Variants in STEAP1B observed in about 807,000 individuals in gnomAD.
STEAP1B encodes STEAP family member 1B, also known as STEAP family protein MGC87042.
Under a neutral mutation model 27.9 loss-of-function variants are expected in STEAP1B, and 13 were observed. The observed-to-expected ratio is 0.47, with a 90% CI of 0.30 to 0.74. The LOEUF (loss-of-function observed/expected upper bound fraction) is 0.74. Among genes scored for constraint, STEAP1B ranks in the 30% least tolerant of loss-of-function variants. The pLI is 0.06. For missense variants in STEAP1B, 250 were observed against 298.7 expected (o/e 0.84, Z 1.20); for synonymous variants, 86 against 107.1 (o/e 0.80, Z 1.22).
At chr7:22,425,931 T>A (rs553969694) in intron 4 of STEAP1B, among the ~76,000 whole-genome samples, 1 of 152,376 alleles carries the variant, frequency 6.6e-6, no homozygotes, top group South Asian at 2.1e-4. Flanking sequence ...CCTTAGTGGC[T>A]ACAAAAGTTT....
At chr7:22,431,153 CA>C (rs1394340684) in intron 4 of STEAP1B, among the ~76,000 whole-genome samples, 1 of 152,158 alleles carries the variant, frequency 6.6e-6, no homozygotes, top group Non-Finnish European at 1.5e-5. Flanking sequence ...AGTATTGGCG[CA>C]GTAACGAAAA....
At chr7:22,488,493 G>A (rs1786258909) in intron 4 of STEAP1B, among the ~76,000 whole-genome samples, 1 of 152,170 alleles carries the variant, frequency 6.6e-6, no homozygotes, top group Admixed American at 6.5e-5. Context: ...TGAATAAGTG[G>A]ACCCCACCCT....
intron 4 of STEAP1B, among the ~76,000 whole-genome samples, chr7:22,444,893 C>T (rs1785386263): frequency 6.6e-6 from 1 of 152,128 alleles, no homozygotes; most frequent in Admixed American, 6.5e-5. Context: ...AGTTTGGAGA[C>T]CCACTAAGCC....
At chr7:22,420,151 T>C (rs942716390) in intron 4 of STEAP1B, among the ~76,000 whole-genome samples, 54 of 152,226 alleles carry the variant, frequency 3.5e-4, no homozygotes, top group Admixed American at 3.9e-4. Flanking sequence ...TTCTGTTGAC[T>C]GGCAAGCTCA....
At chr7:22,454,041 T>A (rs3114719) in intron 4 of STEAP1B, among the ~76,000 whole-genome samples, 15 of 152,028 alleles carry the variant, frequency 9.9e-5, no homozygotes, top group Admixed American at 2.0e-4. Flanking sequence ...TACATTTTTC[T>A]TGGGTATTGT....
At chr7:22,422,355 CCGCAAAGGAG>C (rs1785054073) in intron 4 of STEAP1B, among the ~76,000 whole-genome samples, 1 of 152,190 alleles carries the variant, frequency 6.6e-6, no homozygotes, top group Non-Finnish European at 1.5e-5. Flanking sequence ...AATATTGTAA[CCGCAAAGGAG>C]AGCCAAAATA....
At position 22,479,286 on chromosome 7, in the gene STEAP1B, G is replaced by A. The variant is rs78933198; in HGVS notation, c.762+13279C>T. ...AGGAGATAGGGGTAGGGGGCAAAAC[G>A]TGATGCCGGCGCTGCAAGGAGGCAG... On this transcript the variant is annotated intron_variant, in intron 4 of 4. Coordinates refer to ENST00000678116, the MANE Select transcript of STEAP1B (RefSeq NM_001382447.1). Among the ~76,000 whole-genome samples the A allele has an allele frequency of 3.5e-3, 533 of 152,274 alleles. 1 individual carries two copies. The highest frequency in any genetic ancestry group is 0.012 in the African/African-American group (515 of 41,542).
At chr7:22,466,390 G>A (rs1451399778) in intron 4 of STEAP1B, among the ~76,000 whole-genome samples, 4 of 110,820 alleles carry the variant, frequency 3.6e-5, no homozygotes, top group Non-Finnish European at 7.0e-5. Context: ...CCACCCTCAA[G>A]TAGGCCACAG....
intron 4 of STEAP1B, among the ~76,000 whole-genome samples, chr7:22,453,923 G>A (rs1765845869): frequency 6.6e-6 from 1 of 152,174 alleles, no homozygotes; most frequent in South Asian, 2.1e-4. Flanking sequence ...TGAATATACA[G>A]CAATGTATCC....
At chr7:22,430,353 A>C (rs1289494594) in intron 4 of STEAP1B, among the ~76,000 whole-genome samples, 1 of 152,220 alleles carries the variant, frequency 6.6e-6, no homozygotes, top group East Asian at 1.9e-4. Flanking sequence ...GTGCTCAATG[A>C]ATGGAACTAA....
intron 4 of STEAP1B, among the ~76,000 whole-genome samples, chr7:22,425,816 AG>A (rs1785098455): frequency 6.6e-6 from 1 of 152,246 alleles, no homozygotes; most frequent in Non-Finnish European, 1.5e-5. Context: ...TTTGACTTCT[AG>A]AAAAATAGCA....
intron 4 of STEAP1B, among the ~76,000 whole-genome samples, chr7:22,463,380 C>T (rs1785713616): frequency 6.6e-6 from 1 of 152,012 alleles, no homozygotes; most frequent in South Asian, 2.1e-4. Flanking sequence ...GCCATACTGC[C>T]CAAGGTAATT....
chr7:22,466,677 T>C (rs1785790109), intron 4 of STEAP1B, among the ~76,000 whole-genome samples: 1 of 152,176 alleles, frequency 6.6e-6, no homozygotes, highest in South Asian at 2.1e-4. Context: ...AACTCACTTG[T>C]CCAAACAATT....
rs137915519 is a variant in STEAP1B, at chr7:22,486,038, G to A, written c.762+6527C>T. 1.1e-3 allele frequency among the ~76,000 whole-genome samples: 160 copies of A among 152,246 alleles called. 1 individual carries two copies. In the East Asian group the frequency reaches 0.024, roughly 23 times the overall value. On this transcript the variant is annotated intron_variant, in intron 4 of 4. Coordinates refer to ENST00000678116, the MANE Select transcript of STEAP1B (RefSeq NM_001382447.1). ...GCCACACTCAGTGGTTCTCAAACTC[G>A]GTTGCACATTAAGATTACCTGGAGA... is the stretch of plus-strand genomic sequence containing the variant.
chr7:22,419,823 A>T lies in STEAP1B; in HGVS notation c.776T>A (p.Ile259Asn). 6.5e-7 allele frequency: 1 copy of T among 1,550,380 alleles called. No individual in the cohort carries two copies. Among genetic ancestry groups the T allele is most frequent in the Non-Finnish European group, 8.7e-7 (1 of 1,146,158 alleles). Reference protein sequence around the residue: ...EFHYIQVHGRINFLTL With the variant: ...EFHYIQVHGRNNFLTL Reference sequence around the variant, plus strand: ...GATCTGTCACAAGGTCAGGAAGTTGATCCTACCATGTACCTGGAAGGCAGA... The same window carrying T: ...GATCTGTCACAAGGTCAGGAAGTTGTTCCTACCATGTACCTGGAAGGCAGA... Residue 259 changes from isoleucine (I) to asparagine (N), a missense_variant, in exon 5 of 5, where the codon ATC (isoleucine) becomes AAC (asparagine). Physicochemically the swap from Ile to Asn is moderately radical, Grantham distance 149. Transcript: ENST00000678116.
At chr7:22,475,640 G>C (rs1397080208) in intron 4 of STEAP1B, among the ~76,000 whole-genome samples, 3 of 152,292 alleles carry the variant, frequency 2.0e-5, no homozygotes, top group East Asian at 3.9e-4. Flanking sequence ...ACACACCTGA[G>C]AGCAATAACG....
At chr7:22,456,665 G>A (rs1785582981) in intron 4 of STEAP1B, among the ~76,000 whole-genome samples, 1 of 152,006 alleles carries the variant, frequency 6.6e-6, no homozygotes, top group Non-Finnish European at 1.5e-5. Flanking sequence ...TGAAAGAAAT[G>A]TCTGACTCCT....
intron 4 of STEAP1B, among the ~76,000 whole-genome samples, chr7:22,436,548 C>A (rs1270750405): frequency 7.2e-5 from 11 of 152,148 alleles, no homozygotes; most frequent in African/African-American, 2.4e-4. Context: ...CTCCTCCCAC[C>A]CTCCACCCTC....
At chr7:22,451,192 CAAA>C (rs34284408) in intron 4 of STEAP1B, among the ~76,000 whole-genome samples, 1 of 146,306 alleles carries the variant, frequency 6.8e-6, no homozygotes. Context: ...GATTCTGTCT[CAAA>C]AAAAAAAAAG....
Sources: gnomAD v4.1 joint callset for allele counts (sites outside exome capture counted in the v4.1 genomes callset) on GRCh38, gnomAD v4.1.1 for gene constraint, MANE v1.5 for transcripts, NCBI Gene and HGNC (gene_info 2026-07-23, HGNC 2026-07-21) for gene names.